Variants in ASB2 observed in about 807,000 individuals in gnomAD.
ASB2 encodes the protein ankyrin repeat and SOCS box containing 2, also known as ankyrin repeat and SOCS box protein 2.
In ASB2, 58 loss-of-function variants were observed where a neutral mutation model predicts 62.4. The ratio of observed to expected loss-of-function variants is 0.93; its 90% CI spans 0.75 to 1.16. The LOEUF (loss-of-function observed/expected upper bound fraction) is 1.16. ASB2 is among the 50% of genes most tolerant of loss of function. ASB2 has a pLI of 0.00. For missense variants in ASB2, 928 were observed against 887.9 expected (o/e 1.05, Z -0.57); for synonymous variants, 386 against 385.3 (o/e 1.00, Z -0.02).
intron 3 of ASB2, chr14:93,955,467 C>G (rs986855350): frequency 1.4e-5 from 3 of 209,730 alleles, no homozygotes; most frequent in Non-Finnish European, 3.0e-5. Context: ...GTCACTGCCA[C>G]CTTGACGAGT....
chr14:93,967,189 TG>T (rs1889619675), intron 1 of ASB2, among the ~76,000 whole-genome samples: 1 of 152,158 alleles, frequency 6.6e-6, no homozygotes, highest in Admixed American at 6.5e-5. Context: ...CCTGTGCAGC[TG>T]GGTGGAGCCC....
At chr14:93,940,517 A>G (rs1296944808) in intron 7 of ASB2, 2 of 152,002 alleles carry the variant, frequency 1.3e-5, no homozygotes, top group Non-Finnish European at 2.9e-5. Context: ...GGCCCCAACT[A>G]ATTTGGCCCC....
chr14:93,949,412 A>G lies in ASB2; in HGVS notation c.880+1587T>C, dbSNP rs1439895442. Among the ~76,000 whole-genome samples the G allele has an allele frequency of 2.0e-5, 3 of 152,250 alleles. No individual in the cohort carries two copies. In the East Asian group the frequency reaches 5.8e-4, roughly 29 times the overall value. ...GTTTTCTCATCTGTTGACCAGGGAT[A>G]ATAGTACCTACCCCTCGGGGTTACT... On this transcript the variant is annotated intron_variant, in intron 6 of 9. Transcript: ENST00000555019.
chr14:93,936,826 G>A (rs1293300837), intron 9 of ASB2, among the ~76,000 whole-genome samples: 1 of 152,190 alleles, frequency 6.6e-6, no homozygotes, highest in Non-Finnish European at 1.5e-5. Context: ...GGGCAGGACT[G>A]TGCCCTCAGA....
intron 6 of ASB2, among the ~76,000 whole-genome samples, chr14:93,949,503 C>T (rs891741337): frequency 1.1e-4 from 17 of 152,222 alleles, no homozygotes; most frequent in Admixed American, 5.9e-4. Flanking sequence ...GGAAGCTGCT[C>T]AGCAAATGCC....
Position 93,956,766 on chromosome 14 carries a change from G to A in ASB2, c.311C>T (p.Ala104Val), listed in dbSNP as rs34860343. Residue 104 changes from alanine to valine, a missense_variant and splice_region_variant, in exon 3 of 10, where the codon GCG (alanine) becomes GTG (valine). Physicochemically the swap from Ala to Val is moderately conservative, Grantham distance 64 (BLOSUM62 0). Coordinates refer to ENST00000555019, the MANE Select transcript of ASB2 (RefSeq NM_001202429.2). ...CTGGGGCCAGACAGGAGTCACTTAC[G>A]CCAGCTGGGAGGTCTTGAACAAGCT... is the stretch of plus-strand genomic sequence containing the variant. Reference protein sequence around the residue: ...SSSLFKTSQLAPADPLIKAIK... With the variant: ...SSSLFKTSQLVPADPLIKAIK... The A allele has an allele frequency of 2.4e-4, 389 of 1,614,132 alleles. 2 individuals carry two copies. The highest frequency in any genetic ancestry group is 2.2e-3 in the African/African-American group (166 of 75,052).
chr14:93,947,224 T>A, intron 7 of ASB2, 125 bp downstream of exon 7: 1 of 1,017,400 alleles, frequency 9.8e-7, no homozygotes, highest in Non-Finnish European at 1.4e-6. Flanking sequence ...ATGTCCATTC[T>A]GACCTCTCCT....
At position 93,963,397 on chromosome 14, in the gene ASB2, C is replaced by T. The variant is rs553247982; in HGVS notation, c.206+937G>A. ...AAACACACTTGACCTTGGCTGGGGA[C>T]GGGGGTGAGGAGCAAAAGCAATTTT... On this transcript the variant is annotated intron_variant, in intron 2 of 9. Transcript: ENST00000555019. Among the ~76,000 whole-genome samples, 16 of 126,372 alleles carry T rather than the reference C, an allele frequency of 1.3e-4. No individual in the cohort carries two copies. In the South Asian group the frequency reaches 1.5e-3, roughly 12 times the overall value. 82.9% of individuals were successfully genotyped at this position (126,372 alleles called of 152,430 possible).
At chr14:93,959,609 T>A (rs905612663) in intron 2 of ASB2, among the ~76,000 whole-genome samples, 2 of 152,142 alleles carry the variant, frequency 1.3e-5, no homozygotes, top group African/African-American at 4.8e-5. Context: ...GGTCATGCCC[T>A]GGAAGAGCCC....
intron 7 of ASB2, among the ~76,000 whole-genome samples, chr14:93,944,533 A>C (rs1004834923): frequency 6.6e-6 from 1 of 152,198 alleles, no homozygotes; most frequent in African/African-American, 2.4e-5. Flanking sequence ...ATGGAATGTC[A>C]CATCAAATCC....
chr14:93,951,239 C>A lies in ASB2; in HGVS notation c.640G>T (p.Glu214Ter). ...SRETPLYKAC[E>*]RKNAEAVKIL... The stretch of plus-strand genomic sequence containing the variant: ...TTCACGGCCTCCGCGTTCTTGCGCT[C>A]GCAGGCTGTGCTCAGGGGGAAGCAG... The change falls in exon 6 of 10, where the codon GAG becomes TAG. Residue 214 changes from glutamate (E) to a stop codon, truncating the protein, a stop_gained. Coordinates refer to ENST00000555019, the MANE Select transcript of ASB2 (RefSeq NM_001202429.2). LOFTEE classifies it high-confidence loss of function. 6.3e-7 allele frequency: 1 copy of A among 1,598,352 alleles called. No individual in the cohort carries two copies. The highest frequency in any genetic ancestry group is 1.1e-5 in the South Asian group (1 of 90,622).
At chr14:93,952,281 G>A (rs1017499033) in intron 5 of ASB2, among the ~76,000 whole-genome samples, 3 of 152,222 alleles carry the variant, frequency 2.0e-5, no homozygotes, top group African/African-American at 7.2e-5. Context: ...CAAGACCAGG[G>A]CCAAGCTCTG....
intron 6 of ASB2, among the ~76,000 whole-genome samples, chr14:93,950,056 C>T (rs1476908812): frequency 6.6e-6 from 1 of 152,202 alleles, no homozygotes; most frequent in Non-Finnish European, 1.5e-5. Context: ...CAGGCTTGGA[C>T]TGTGACCAAT....
In ASB2 at chr14:93,956,867, G is replaced by A; in HGVS notation, c.210C>T (p.Ser70=). Residue 70 remains serine (S), a synonymous_variant, in exon 3 of 10, where the codon TCC becomes TCT. Transcript: ENST00000555019. ...CCGGCGAACTCTCAGGAGGTGCAGT[G>A]GACCTGGAGGGTGCAGAGCAGGAGT... ...QPAHFYPWTR[S]TAPPESSPAR... is the part of the protein sequence containing the mutation. 1 of 1,614,196 alleles carries A rather than the reference G, an allele frequency of 6.2e-7. No individual in the cohort carries two copies. Among genetic ancestry groups the A allele is most frequent in the South Asian group, 1.1e-5 (1 of 91,088 alleles).
chr14:93,944,196 A>T, intron 7 of ASB2: 1 of 343,710 alleles, frequency 2.9e-6, no homozygotes, highest in Non-Finnish European at 5.7e-6. Flanking sequence ...GTTGGACACT[A>T]CTGTTTTGGG....
intron 1 of ASB2, among the ~76,000 whole-genome samples, chr14:93,971,322 G>T (rs2141322436): frequency 6.6e-6 from 1 of 152,276 alleles, no homozygotes; most frequent in Middle Eastern, 3.4e-3. Context: ...GGTGCAGGAT[G>T]GATTCTGCAC....
chr14:93,947,995 G>GAAAA (rs55666799), intron 6 of ASB2, among the ~76,000 whole-genome samples: 1,967 of 72,442 alleles, frequency 0.027, 216 homozygotes, highest in African/African-American at 0.092. Context: ...ACTCCGCCTG[G>GAAAA]AAAAAAAAAA....
At chr14:93,954,121 GGA>G in intron 4 of ASB2, 194 bp downstream of exon 4, 1 of 594,022 alleles carries the variant, frequency 1.7e-6, no homozygotes, top group Non-Finnish European at 3.0e-6. Flanking sequence ...TTGGAGGCCT[GGA>G]GAGGTGGCAG....
At chr14:93,952,700 G>A (rs1295964114) in intron 5 of ASB2, among the ~76,000 whole-genome samples, 1 of 152,214 alleles carries the variant, frequency 6.6e-6, no homozygotes, top group African/African-American at 2.4e-5. Flanking sequence ...GTCCTCATAT[G>A]TGAAAGGGGA....
Sources: gnomAD v4.1 joint callset for allele counts (sites outside exome capture counted in the v4.1 genomes callset) on GRCh38, gnomAD v4.1.1 for gene constraint, MANE v1.5 for transcripts, NCBI Gene and HGNC (gene_info 2026-07-23, HGNC 2026-07-21) for gene names.